The following NFIA variants were observed in gnomAD, a reference collection of about 807,000 sequenced individuals.
NFIA encodes nuclear factor 1 A-type.
Under a neutral mutation model 62.8 loss-of-function variants are expected in NFIA, and 8 were observed. That is an observed-to-expected ratio of 0.13 (90% CI 0.07 to 0.23). The LOEUF is 0.23. Ranked by LOEUF, NFIA falls within the 10% of genes least tolerant of loss-of-function variation. The pLI, the probability that NFIA is intolerant of heterozygous loss-of-function variation, is 1.00. For missense variants in NFIA, 410 were observed against 642.1 expected (o/e 0.64, Z 3.91); for synonymous variants, 235 against 238.1 (o/e 0.99, Z 0.12).
chr1:61,429,849 GT>G (rs1367364631), intron 10 of NFIA, among the ~76,000 whole-genome samples: 10 of 152,216 alleles, frequency 6.6e-5, no homozygotes. Flanking sequence ...TTCTACGGAT[GT>G]GAGGTACCTA....
At chr1:61,447,145 A>C (rs190864245) in intron 10 of NFIA, among the ~76,000 whole-genome samples, 20 of 152,306 alleles carry the variant, frequency 1.3e-4, no homozygotes, top group African/African-American at 4.6e-4. Context: ...TTTAAAAAAA[A>C]ATTGTGAAGG....
chr1:61,212,755 A>T (rs1028181628), intron 2 of NFIA, among the ~76,000 whole-genome samples: 10 of 152,084 alleles, frequency 6.6e-5, no homozygotes, highest in African/African-American at 2.2e-4. Flanking sequence ...GCAGACCCCC[A>T]CCCTGCTCAG....
intron 9 of NFIA, 150 bp from the exon 10 acceptor site, chr1:61,426,315 C>T: frequency 1.6e-6 from 1 of 612,018 alleles, no homozygotes; most frequent in Non-Finnish European, 2.9e-6. Flanking sequence ...GTCTGAAATG[C>T]CCTTGCTAGC....
chr1:61,362,787 C>T (rs561495151), intron 6 of NFIA, among the ~76,000 whole-genome samples: 1 of 152,202 alleles, frequency 6.6e-6, no homozygotes, highest in African/African-American at 2.4e-5. Flanking sequence ...GTTTTGTTTC[C>T]CAGTTATCTC....
At chr1:61,438,900 G>A (rs969879873) in intron 10 of NFIA, among the ~76,000 whole-genome samples, 24 of 151,958 alleles carry the variant, frequency 1.6e-4, no homozygotes, top group African/African-American at 1.2e-4. Context: ...CTGAAATACC[G>A]CAGGGACTTA....
At chr1:61,416,979 A>T (rs530933711) in intron 9 of NFIA, among the ~76,000 whole-genome samples, 1 of 152,292 alleles carries the variant, frequency 6.6e-6, no homozygotes, top group Non-Finnish European at 1.5e-5. Flanking sequence ...GATGAAAAAC[A>T]TGGAAACCAA....
At chr1:61,447,137 TA>T (rs61001383) in intron 10 of NFIA, among the ~76,000 whole-genome samples, 2,050 of 151,854 alleles carry the variant, frequency 0.013, 38 homozygotes, top group East Asian at 0.048. Context: ...CAAAAAAATT[TA>T]AAAAAAAATT....
chr1:61,225,256 A>C (rs1243156447), intron 2 of NFIA, among the ~76,000 whole-genome samples: 1 of 150,682 alleles, frequency 6.6e-6, no homozygotes, highest in East Asian at 1.9e-4. Flanking sequence ...TGTCCATAGT[A>C]CTTTTTTTTT....
chr1:61,077,941 G>C (rs779332813), upstream of NFIA, among the ~76,000 whole-genome samples: 5 of 151,520 alleles, frequency 3.3e-5, no homozygotes, highest in South Asian at 8.3e-4. Context: ...AGAAAGGGGT[G>C]GGGGGAAATC....
chr1:61,388,578 C>T (rs1664815773), intron 7 of NFIA, among the ~76,000 whole-genome samples: 1 of 152,100 alleles, frequency 6.6e-6, no homozygotes, highest in African/African-American at 2.4e-5. Context: ...GTGAATGATA[C>T]TTTATTTAAA....
chr1:61,447,297 T>A (rs1217896498), intron 10 of NFIA, among the ~76,000 whole-genome samples: 1 of 152,206 alleles, frequency 6.6e-6, no homozygotes, highest in Non-Finnish European at 1.5e-5. Flanking sequence ...ATGGCTAACT[T>A]CCCATATGGA....
intron 3 of NFIA, among the ~76,000 whole-genome samples, chr1:61,289,061 C>T (rs752342462): frequency 1.3e-5 from 2 of 152,156 alleles, no homozygotes; most frequent in African/African-American, 2.4e-5. Flanking sequence ...TGAGCCACTG[C>T]GCCTGGAGTA....
At chr1:61,394,605 A>C (rs926836769) in intron 7 of NFIA, among the ~76,000 whole-genome samples, 16 of 152,242 alleles carry the variant, frequency 1.1e-4, no homozygotes, top group African/African-American at 3.4e-4. Flanking sequence ...CTCATTTTGT[A>C]GTAGAGGACA....
At chr1:61,191,052 T>C (rs902079752) in intron 2 of NFIA, among the ~76,000 whole-genome samples, 2 of 149,928 alleles carry the variant, frequency 1.3e-5, no homozygotes, top group East Asian at 2.0e-4. Context: ...TTTTTTTTTT[T>C]CAAGCAAGCA....
At chr1:61,272,843 T>C (rs1425911597) in intron 2 of NFIA, among the ~76,000 whole-genome samples, 1 of 152,210 alleles carries the variant, frequency 6.6e-6, no homozygotes, top group Non-Finnish European at 1.5e-5. Context: ...TTTCGCTTTA[T>C]TTCTTTCACT....
chr1:61,257,878 TTTTTTTC>T (rs1481948424), intron 2 of NFIA, among the ~76,000 whole-genome samples: 2 of 112,944 alleles, frequency 1.8e-5, no homozygotes, highest in Non-Finnish European at 3.9e-5. Context: ...TTTTTTTTTC[TTTTTTTC>T]TTTTTTTTTT....
At chr1:61,343,525 C>G (rs900821644) in intron 4 of NFIA, among the ~76,000 whole-genome samples, 65 of 152,162 alleles carry the variant, frequency 4.3e-4, no homozygotes, top group Non-Finnish European at 1.5e-4. Flanking sequence ...TGGCTTTTGT[C>G]ACCTAATAGT....
intron 4 of NFIA, among the ~76,000 whole-genome samples, chr1:61,344,515 C>T (rs1389122051): frequency 1.3e-5 from 2 of 152,120 alleles, no homozygotes; most frequent in African/African-American, 2.4e-5. Context: ...TACTTATTGC[C>T]ATTCTTTCAT....
chr1:61,223,273 AAT>A (rs1304704576), intron 2 of NFIA, among the ~76,000 whole-genome samples: 1 of 152,078 alleles, frequency 6.6e-6, no homozygotes, highest in East Asian at 1.9e-4. Context: ...TTGGCCAGGA[AAT>A]AGAGACCAGA....
Sources: gnomAD v4.1 joint callset for allele counts (sites outside exome capture counted in the v4.1 genomes callset) on GRCh38, gnomAD v4.1.1 for gene constraint, MANE v1.5 for transcripts, NCBI Gene and HGNC (gene_info 2026-07-23, HGNC 2026-07-21) for gene names.